TRIM33: variants seen among roughly 807,000 people sequenced by gnomAD.
TRIM33 encodes the protein tripartite motif containing 33.
In TRIM33, 20 loss-of-function variants were observed where a neutral mutation model predicts 125.4. The ratio of observed to expected loss-of-function variants is 0.16; its 90% CI spans 0.11 to 0.23. The LOEUF (loss-of-function observed/expected upper bound fraction) is 0.23. Among genes scored for constraint, TRIM33 ranks in the 10% least tolerant of loss-of-function variants. The pLI, the probability that TRIM33 is intolerant of heterozygous loss-of-function variation, is 1.00. For synonymous variants in TRIM33, 564 were observed against 513.9 expected (o/e 1.10, Z -1.32); for missense variants, 920 against 1,411.4 (o/e 0.65, Z 5.58).
At chr1:114,487,351 A>C (rs1281313141) in intron 1 of TRIM33, among the ~76,000 whole-genome samples, 1 of 151,604 alleles carries the variant, frequency 6.6e-6, no homozygotes, top group Non-Finnish European at 1.5e-5. Flanking sequence ...AAAAAAAAAA[A>C]AAAAAACAAC....
intron 11 of TRIM33, chr1:114,420,270 T>G: frequency 2.0e-6 from 1 of 506,500 alleles, no homozygotes; most frequent in Non-Finnish European, 3.8e-6. Flanking sequence ...CATTTCCCCC[T>G]CTCAGTATAA....
In TRIM33 at chr1:114,395,277, T is replaced by C. The variant is rs1416650564; in HGVS notation, c.*2371A>G. The stretch of plus-strand genomic sequence containing the variant: ...TTATCTTAACAGAAGTGGAGGCTAT[T>C]AAATGTTGACAAAAAAGTGGCTTTT... On this transcript the variant is annotated 3_prime_UTR_variant, in exon 20 of 20. Coordinates refer to ENST00000358465, the MANE Select transcript of TRIM33 (RefSeq NM_015906.4). The C allele has an allele frequency of 9.8e-6, 2 of 204,912 alleles. No homozygotes were observed. The highest frequency in any genetic ancestry group is 2.0e-5 in the Non-Finnish European group (2 of 100,168). The allele number at this position is 204,912 out of a possible 1,614,324, so 12.7% of individuals were successfully genotyped here.
At chr1:114,420,565 A>AT (rs1421046040) in intron 11 of TRIM33, 1 of 511,456 alleles carries the variant, frequency 2.0e-6, no homozygotes, top group African/African-American at 2.0e-5. Flanking sequence ...ACGACCTTCA[A>AT]TTCCCCAGAA....
chr1:114,421,363 A>T, intron 11 of TRIM33, 73 bp downstream of exon 11: 1 of 1,358,950 alleles, frequency 7.4e-7, no homozygotes, highest in South Asian at 1.3e-5. Flanking sequence ...AAAAAAAAAA[A>T]CTCTGAAATA....
intron 4 of TRIM33, among the ~76,000 whole-genome samples, chr1:114,461,630 A>G (rs1007818440): frequency 2.6e-5 from 4 of 152,176 alleles, no homozygotes; most frequent in Non-Finnish European, 5.9e-5. Flanking sequence ...GGTAAAAGAA[A>G]GGGAAGGATA....
intron 1 of TRIM33, among the ~76,000 whole-genome samples, chr1:114,465,585 G>A (rs1210082500): frequency 1.3e-5 from 2 of 152,186 alleles, no homozygotes; most frequent in East Asian, 3.9e-4. Flanking sequence ...ATGATCACTT[G>A]AGCCCAGGAG....
chr1:114,437,642 T>G (rs935451498), intron 4 of TRIM33, among the ~76,000 whole-genome samples: 2 of 152,238 alleles, frequency 1.3e-5, no homozygotes, highest in Non-Finnish European at 2.9e-5. Context: ...CAGTCTAAAG[T>G]AGTAATTCTT....
At chr1:114,505,731 C>T (rs1201362761) in intron 1 of TRIM33, among the ~76,000 whole-genome samples, 1 of 152,022 alleles carries the variant, frequency 6.6e-6, no homozygotes, top group African/African-American at 2.4e-5. Context: ...CCACGCCTGG[C>T]AAATTTTTGT....
intron 15 of TRIM33, chr1:114,404,959 C>G (rs534923954): frequency 6.6e-6 from 1 of 152,512 alleles, no homozygotes; most frequent in East Asian, 1.9e-4. Context: ...TTTATGGTCT[C>G]TGAAATCAAG....
At position 114,431,036 on chromosome 1, in the gene TRIM33, T is replaced by C. The variant is rs573502760; in HGVS notation, c.1041-124A>G. On this transcript the variant is annotated intron_variant, in intron 5 of 19. Transcript: ENST00000358465. ...AATTAAAATGAAAACTTTGTCAAAA[T>C]GTACAACTCATGTTTCAGCAGACCT... 2.1e-4 allele frequency: 135 copies of C among 646,274 alleles called. 1 individual carries two copies. In the South Asian group the frequency reaches 2.4e-3, roughly 12 times the overall value. The allele number at this position is 646,274 out of a possible 1,614,324, so 40.0% of individuals were successfully genotyped here. A position where few individuals can be genotyped will look rare whatever the true frequency, so the allele number is the denominator to read the frequency against.
intron 1 of TRIM33, among the ~76,000 whole-genome samples, chr1:114,476,942 G>C (rs1651008995): frequency 6.6e-6 from 1 of 152,100 alleles, no homozygotes; most frequent in Admixed American, 6.6e-5. Context: ...GAACAAAAGA[G>C]TGAAAATCCG....
intron 4 of TRIM33, among the ~76,000 whole-genome samples, chr1:114,459,126 T>G (rs1649795946): frequency 6.6e-6 from 1 of 152,178 alleles, no homozygotes; most frequent in South Asian, 2.1e-4. Flanking sequence ...TATTTTTGTA[T>G]GTTAACAAAA....
At chr1:114,432,517 T>A (rs1474499614) in intron 5 of TRIM33, among the ~76,000 whole-genome samples, 1 of 152,212 alleles carries the variant, frequency 6.6e-6, no homozygotes, top group African/African-American at 2.4e-5. Context: ...CCGGGCACAG[T>A]GGCTCAGGCC....
chr1:114,471,264 T>C (rs944845913), intron 1 of TRIM33, among the ~76,000 whole-genome samples: 10 of 152,062 alleles, frequency 6.6e-5, no homozygotes, highest in African/African-American at 9.7e-5. Context: ...CTGGCCAATA[T>C]GGTCAAACTC....
At chr1:114,486,763 C>T (rs1167559038) in intron 1 of TRIM33, among the ~76,000 whole-genome samples, 2 of 151,892 alleles carry the variant, frequency 1.3e-5, no homozygotes, top group Admixed American at 1.3e-4. Flanking sequence ...CTGCAGAGTT[C>T]CAGAAGGAGA....
At position 114,401,317 on chromosome 1, in the gene TRIM33, C is replaced by A. The variant is rs569456730; in HGVS notation, c.2967+72G>T. The A allele has an allele frequency of 2.5e-5, 33 of 1,315,706 alleles. No individual in the cohort carries two copies. The East Asian group carries it at 7.9e-4, about 32-fold the overall frequency. The allele number at this position is 1,315,706 out of a possible 1,614,324, so 81.5% of individuals were successfully genotyped here. On this transcript the variant is annotated intron_variant, in intron 17 of 19. Coordinates refer to ENST00000358465, the MANE Select transcript of TRIM33 (RefSeq NM_015906.4). Reference sequence around the variant, plus strand: ...GGGATTACAGGCGTGAGCCACCGCGCCCGGCCGCCAGAGCCCATACTCTTA... The same window carrying A: ...GGGATTACAGGCGTGAGCCACCGCGACCGGCCGCCAGAGCCCATACTCTTA...
chr1:114,419,405 G>A (rs534140090), intron 11 of TRIM33, among the ~76,000 whole-genome samples: 9 of 152,062 alleles, frequency 5.9e-5, no homozygotes, highest in Admixed American at 1.3e-4. Flanking sequence ...CAGATAACCC[G>A]TCAGGCGGTT....
At chr1:114,505,375 T>C (rs554583247) in intron 1 of TRIM33, among the ~76,000 whole-genome samples, 2 of 152,142 alleles carry the variant, frequency 1.3e-5, no homozygotes, top group South Asian at 2.1e-4. Flanking sequence ...AACTGTCATA[T>C]AGTATACACA....
At chr1:114,481,984 C>G (rs956019803) in intron 1 of TRIM33, among the ~76,000 whole-genome samples, 1 of 152,156 alleles carries the variant, frequency 6.6e-6, no homozygotes, top group African/African-American at 2.4e-5. Flanking sequence ...TGGTCTTGAA[C>G]TCCTGACTTC....
Sources: allele counts gnomAD v4.1 joint callset (sites outside exome capture counted in the v4.1 genomes callset), GRCh38; gene constraint gnomAD v4.1.1; transcripts MANE v1.5; gene names NCBI Gene and HGNC (gene_info 2026-07-23, HGNC 2026-07-21).